SLC2A9: variants seen among roughly 807,000 people sequenced by gnomAD.
SLC2A9 encodes solute carrier family 2, facilitated glucose transporter member 9.
A neutral mutation model predicts 50.6 loss-of-function variants in SLC2A9; 39 were observed. The observed-to-expected ratio is 0.77, with a 90% CI of 0.60 to 1.01. The LOEUF (loss-of-function observed/expected upper bound fraction) is 1.01, where lower values mean the gene tolerates loss of function less well. Ranked by LOEUF, SLC2A9 falls within the 50% of genes least tolerant of loss-of-function variation. The probability of loss-of-function intolerance (pLI) is 0.00; values close to 1 mark genes in which losing one functional copy is unlikely to be tolerated. For synonymous variants in SLC2A9, 324 were observed against 276.9 expected (o/e 1.17, Z -1.69); for missense variants, 686 against 677.6 (o/e 1.01, Z -0.14).
chr4:9,864,617 G>A lies in SLC2A9; in HGVS notation c.1291+22950C>T, dbSNP rs189278416. 6.6e-5 allele frequency among the ~76,000 whole-genome samples: 10 copies of A among 152,324 alleles called. No homozygotes were observed. In the East Asian group the frequency reaches 1.9e-3, roughly 29 times the overall value. ...GGACCTGGCTTAAGGTCACACAGCT[G>A]TTAAGCAGGGTCCCAGCTCTCCAAA... On this transcript the variant is annotated intron_variant, in intron 10 of 11. Coordinates refer to ENST00000264784, the MANE Select transcript of SLC2A9 (RefSeq NM_020041.3).
chr4:9,998,473 C>T (rs563614869), intron 2 of SLC2A9, among the ~76,000 whole-genome samples: 4 of 152,300 alleles, frequency 2.6e-5, no homozygotes, highest in South Asian at 2.1e-4. Flanking sequence ...ATGGAGCTTA[C>T]ACAATCCCAC....
At chr4:9,985,871 G>GCAGGAA (rs1756630696) in intron 3 of SLC2A9, 78 bp from the exon 4 acceptor site, 1 of 1,600,488 alleles carries the variant, frequency 6.2e-7, no homozygotes, top group Admixed American at 1.7e-5. Context: ...AGGAGCAGGA[G>GCAGGAA]CCAGGCCCTT....
chr4:9,880,961 G>A (rs112379648), intron 10 of SLC2A9, among the ~76,000 whole-genome samples: 21 of 152,278 alleles, frequency 1.4e-4, no homozygotes, highest in African/African-American at 4.1e-4. Context: ...GACCTCTAGT[G>A]AGTTCCATAA....
chr4:9,834,587 T>C (rs1433492884), intron 11 of SLC2A9, among the ~76,000 whole-genome samples: 7 of 152,100 alleles, frequency 4.6e-5, no homozygotes, highest in Non-Finnish European at 8.8e-5. Flanking sequence ...ATTGTAAAAA[T>C]GATAAGTAGG....
intron 10 of SLC2A9, among the ~76,000 whole-genome samples, chr4:9,862,765 C>T (rs913430636): frequency 2.0e-5 from 3 of 152,030 alleles, no homozygotes; most frequent in Non-Finnish European, 4.4e-5. Flanking sequence ...ACCCTAGCCC[C>T]TTACCCTGTT....
At chr4:9,778,049 TTTCTTTCC>T (rs771990080), downstream of SLC2A9, among the ~76,000 whole-genome samples, 16,799 of 123,044 alleles carry the variant, frequency 0.14, 1,309 homozygotes, top group East Asian at 0.21. Flanking sequence ...TCTTTCTTTC[TTTCTTTCC>T]TTCCTTCCTT....
intron 9 of SLC2A9, 63 bp from the exon 10 acceptor site, chr4:9,887,705 C>T: frequency 1.5e-6 from 2 of 1,313,380 alleles, no homozygotes; most frequent in Non-Finnish European, 2.0e-6. Context: ...ACCTGAGTTC[C>T]CACCCCAGCT....
At chr4:9,862,506 G>C (rs1731814377) in intron 10 of SLC2A9, among the ~76,000 whole-genome samples, 1 of 151,882 alleles carries the variant, frequency 6.6e-6, no homozygotes, top group South Asian at 2.1e-4. Flanking sequence ...TCTGTCTTTT[G>C]TTACAGGGGT....
intron 2 of SLC2A9, among the ~76,000 whole-genome samples, chr4:10,018,715 C>G (rs2109530390): frequency 6.6e-6 from 1 of 152,164 alleles, no homozygotes; most frequent in Admixed American, 6.5e-5. Flanking sequence ...TTCCGAAGCC[C>G]CCTCTCATCT....
chr4:9,818,840 G>C (rs963582816), intron 3 of SLC2A9, among the ~76,000 whole-genome samples: 1 of 152,126 alleles, frequency 6.6e-6, no homozygotes, highest in South Asian at 2.1e-4. Context: ...TACAGGTCTT[G>C]GGCTGGGTGC....
At chr4:9,809,172 G>A (rs1236188871) in intron 3 of SLC2A9, among the ~76,000 whole-genome samples, 1 of 152,204 alleles carries the variant, frequency 6.6e-6, no homozygotes, top group Non-Finnish European at 1.5e-5. Flanking sequence ...GGTCACAGAT[G>A]TCAGACTCGA....
At position 9,799,552 on chromosome 4, in the gene SLC2A9, A is replaced by G. The variant is rs1415834424; in HGVS notation, n.421-311T>C. ...CCTCTTAAAACTATCACCTTGATTA[A>G]ATCTCCACATATGAAATTTGGAGAG... On this transcript the variant is annotated intron_variant and non_coding_transcript_variant, in intron 3 of 3. Coordinates refer to the SLC2A9 transcript ENST00000503280. Among the ~76,000 whole-genome samples, 10 of 152,268 alleles carry G rather than the reference A, an allele frequency of 6.6e-5. No individual in the cohort carries two copies. In the East Asian group the frequency reaches 1.9e-3, roughly 29 times the overall value.
intron 2 of SLC2A9, among the ~76,000 whole-genome samples, chr4:10,018,561 T>TAGAC (rs1553915024): frequency 2.1e-5 from 1 of 48,506 alleles, no homozygotes; most frequent in Non-Finnish European, 5.8e-5. Flanking sequence ...GATAGATAGA[T>TAGAC]AGATAGATAG....
chr4:9,866,660 G>A (rs1441251358), intron 10 of SLC2A9, among the ~76,000 whole-genome samples: 1 of 152,196 alleles, frequency 6.6e-6, no homozygotes. Flanking sequence ...CGGGGACGAT[G>A]CTGCCATTAC....
At chr4:9,843,505 T>C (rs1728433646) in intron 10 of SLC2A9, among the ~76,000 whole-genome samples, 2 of 151,926 alleles carry the variant, frequency 1.3e-5, no homozygotes, top group South Asian at 4.2e-4. Context: ...GTTAGGGGCC[T>C]GGGTGGGGGT....
intron 10 of SLC2A9, among the ~76,000 whole-genome samples, chr4:9,876,527 G>A (rs1246244143): frequency 1.3e-5 from 2 of 152,164 alleles, no homozygotes; most frequent in Non-Finnish European, 2.9e-5. Context: ...GGAGGTGGAG[G>A]CTGCAGTGAG....
chr4:10,031,490 A>G (rs1343490330), intron 1 of SLC2A9, among the ~76,000 whole-genome samples: 1 of 152,250 alleles, frequency 6.6e-6, no homozygotes, highest in Non-Finnish European at 1.5e-5. Context: ...CCACGTGGGT[A>G]AGGAGGCCTC....
At chr4:9,919,410 T>C (rs527981298) in intron 7 of SLC2A9, among the ~76,000 whole-genome samples, 1 of 152,262 alleles carries the variant, frequency 6.6e-6, no homozygotes, top group East Asian at 1.9e-4. Flanking sequence ...AACACTGTGG[T>C]TGTAGATTTC....
At chr4:9,969,489 CA>C (rs1488571599) in intron 5 of SLC2A9, among the ~76,000 whole-genome samples, 5 of 152,248 alleles carry the variant, frequency 3.3e-5, no homozygotes, top group South Asian at 2.1e-4. Flanking sequence ...ATACAAGTTT[CA>C]AAAAACTTTA....
Sources: gnomAD v4.1 joint callset for allele counts (sites outside exome capture counted in the v4.1 genomes callset) on GRCh38, gnomAD v4.1.1 for gene constraint, MANE v1.5 for transcripts, NCBI Gene and HGNC (gene_info 2026-07-23, HGNC 2026-07-21) for gene names.